ASTN2: variants seen among roughly 807,000 people sequenced by gnomAD.
ASTN2 encodes the protein astrotactin 2, also known as astrotactin-2.
In ASTN2, 54 loss-of-function variants were observed where a neutral mutation model predicts 139.8. The ratio of observed to expected loss-of-function variants is 0.39; its 90% CI spans 0.31 to 0.48. The LOEUF (loss-of-function observed/expected upper bound fraction) is 0.48, where lower values mean the gene tolerates loss of function less well. Among genes scored for constraint, ASTN2 ranks in the 20% least tolerant of loss-of-function variants. ASTN2 has a pLI of 0.95. For synonymous variants in ASTN2, 756 were observed against 719.5 expected (o/e 1.05, Z -0.81); for missense variants, 1,565 against 1,725.1 (o/e 0.91, Z 1.64).
intron 5 of ASTN2, among the ~76,000 whole-genome samples, chr9:117,073,847 C>T (rs1406665064): frequency 6.6e-6 from 1 of 152,146 alleles, no homozygotes; most frequent in Non-Finnish European, 1.5e-5. Context: ...TTCTAGACTT[C>T]ACCAGGTGAG....
intron 11 of ASTN2, among the ~76,000 whole-genome samples, chr9:116,847,863 G>C: frequency 6.6e-6 from 1 of 152,168 alleles, no homozygotes; most frequent in East Asian, 1.9e-4. Context: ...GACGCCATTT[G>C]GAAGAATAAT....
chr9:116,945,240 C>A (rs1236555190), intron 10 of ASTN2, among the ~76,000 whole-genome samples: 2 of 152,186 alleles, frequency 1.3e-5, no homozygotes, highest in African/African-American at 4.8e-5. Context: ...GATCACGTAT[C>A]AACTCTCACA....
At chr9:116,618,498 G>A (rs372195563) in intron 18 of ASTN2, 26 bp from the exon 19 acceptor site, 61 of 1,586,826 alleles carry the variant, frequency 3.8e-5, no homozygotes, top group Middle Eastern at 1.8e-4. Context: ...AGGAAGATTC[G>A]TGTTTGGCAG....
At chr9:116,749,061 CA>C (rs1333914947) in intron 13 of ASTN2, among the ~76,000 whole-genome samples, 1 of 147,768 alleles carries the variant, frequency 6.8e-6, no homozygotes, top group Non-Finnish European at 1.5e-5. Flanking sequence ...TCTAGTTGGA[CA>C]AAACATTGAA....
At chr9:116,766,022 C>T (rs1291214360) in intron 13 of ASTN2, among the ~76,000 whole-genome samples, 1 of 152,100 alleles carries the variant, frequency 6.6e-6, no homozygotes, top group Non-Finnish European at 1.5e-5. Flanking sequence ...CTACTATTAC[C>T]TGTCAATATA....
chr9:117,106,052 T>C (rs1472730377), intron 4 of ASTN2, among the ~76,000 whole-genome samples: 1 of 152,092 alleles, frequency 6.6e-6, no homozygotes, highest in Non-Finnish European at 1.5e-5. Flanking sequence ...CAGATTTGAG[T>C]ATCTGAGGTT....
chr9:116,783,262 T>TTTCC (rs72137868), intron 13 of ASTN2, among the ~76,000 whole-genome samples: 544 of 132,370 alleles, frequency 4.1e-3, no homozygotes, highest in South Asian at 9.6e-3. Flanking sequence ...TCATAAAATC[T>TTTCC]TTCCTTCCTT....
At chr9:117,060,718 C>T (rs1839264705) in intron 5 of ASTN2, among the ~76,000 whole-genome samples, 1 of 151,352 alleles carries the variant, frequency 6.6e-6, no homozygotes, top group South Asian at 2.1e-4. Context: ...ATGGTGAAAC[C>T]CCGTCTCCAC....
At chr9:116,601,844 G>T (rs1399440411) in intron 19 of ASTN2, among the ~76,000 whole-genome samples, 1 of 152,172 alleles carries the variant, frequency 6.6e-6, no homozygotes, top group African/African-American at 2.4e-5. Context: ...GAAGAATGAG[G>T]TGGAGACCCA....
At chr9:116,914,339 A>G (rs756562756) in intron 10 of ASTN2, among the ~76,000 whole-genome samples, 6 of 152,032 alleles carry the variant, frequency 3.9e-5, no homozygotes, top group Non-Finnish European at 8.8e-5. Context: ...TAAATGGTCT[A>G]AATAGAACTT....
At chr9:116,937,101 TC>T (rs1405465975) in intron 10 of ASTN2, among the ~76,000 whole-genome samples, 2 of 152,198 alleles carry the variant, frequency 1.3e-5, no homozygotes, top group African/African-American at 4.8e-5. Flanking sequence ...AACCTTGATT[TC>T]CCCTTCTATC....
intron 13 of ASTN2, among the ~76,000 whole-genome samples, chr9:116,784,252 C>A (rs575577229): frequency 5.3e-5 from 8 of 152,278 alleles, no homozygotes; most frequent in African/African-American, 1.9e-4. Context: ...TGAAACAGAG[C>A]AAATCCTTCA....
intron 2 of ASTN2, among the ~76,000 whole-genome samples, chr9:117,252,038 C>T (rs1833553351): frequency 6.6e-6 from 1 of 152,162 alleles, no homozygotes; most frequent in Non-Finnish European, 1.5e-5. Flanking sequence ...AGAACAACCT[C>T]TGATAAAATT....
At chr9:116,703,130 T>G (rs961645181) in intron 16 of ASTN2, among the ~76,000 whole-genome samples, 2 of 151,368 alleles carry the variant, frequency 1.3e-5, no homozygotes, top group African/African-American at 4.9e-5. Context: ...CCACATCCTC[T>G]CCAGCACCTG....
chr9:116,641,404 C>T (rs1054160981), intron 17 of ASTN2, among the ~76,000 whole-genome samples: 1 of 152,078 alleles, frequency 6.6e-6, no homozygotes, highest in African/African-American at 2.4e-5. Context: ...GACCTTGAGA[C>T]AAGTGATTTA....
chr9:117,163,392 A>T (rs1002635134), intron 3 of ASTN2, among the ~76,000 whole-genome samples: 1 of 152,240 alleles, frequency 6.6e-6, no homozygotes, highest in Middle Eastern at 3.4e-3. Flanking sequence ...GGCAGAGGAA[A>T]AACTAATGCC....
At chr9:117,111,318 T>C (rs1371749315) in intron 4 of ASTN2, among the ~76,000 whole-genome samples, 3 of 152,022 alleles carry the variant, frequency 2.0e-5, no homozygotes, top group Non-Finnish European at 4.4e-5. Flanking sequence ...CTGTGATCAG[T>C]TGGGTAAAGG....
At chr9:116,779,471 C>T (rs972642065) in intron 13 of ASTN2, among the ~76,000 whole-genome samples, 2 of 147,796 alleles carry the variant, frequency 1.4e-5, no homozygotes, top group Non-Finnish European at 3.0e-5. Context: ...AAATAAATAT[C>T]TATTCTTTAT....
At chr9:116,815,070 A>T (rs115880871) in intron 12 of ASTN2, among the ~76,000 whole-genome samples, 195 of 152,336 alleles carry the variant, frequency 1.3e-3, no homozygotes, top group African/African-American at 4.6e-3. Flanking sequence ...TTAACCTAAA[A>T]GGTGGAAACC....
Sources: allele counts gnomAD v4.1 joint callset (sites outside exome capture counted in the v4.1 genomes callset), GRCh38; gene constraint gnomAD v4.1.1; transcripts MANE v1.5; gene names NCBI Gene and HGNC (gene_info 2026-07-23, HGNC 2026-07-21).